CAPN7: variants seen among roughly 807,000 people sequenced by gnomAD.
The protein encoded by CAPN7 is calpain-7.
In CAPN7, 72 loss-of-function variants were observed where a neutral mutation model predicts 115.2. The observed-to-expected ratio is 0.63, with a 90% CI of 0.52 to 0.76. The LOEUF is 0.76. Ranked by LOEUF, CAPN7 falls within the 30% of genes least tolerant of loss-of-function variation. The pLI is 0.00. For missense variants in CAPN7, 905 were observed against 971.5 expected (o/e 0.93, Z 0.91); for synonymous variants, 344 against 322.3 (o/e 1.07, Z -0.72).
Position 15,223,037 on chromosome 3 carries a change from T to C in CAPN7, c.639-438T>C, listed in dbSNP as rs1045380688. Among the ~76,000 whole-genome samples, 4 of 152,342 alleles carry C rather than the reference T, an allele frequency of 2.6e-5. No individual in the cohort carries two copies. In the East Asian group the frequency reaches 7.7e-4, roughly 29 times the overall value. ...TAATTTGTCAGTAGACCATAGCTGATATCTATGACACTTCCTTCTTCCACT... is the reference window on the plus strand; with the variant it reads ...TAATTTGTCAGTAGACCATAGCTGACATCTATGACACTTCCTTCTTCCACT... On this transcript the variant is annotated intron_variant, in intron 5 of 20. Coordinates refer to ENST00000253693, the MANE Select transcript of CAPN7 (RefSeq NM_014296.3).
At chr3:15,222,663 T>C (rs565246833) in intron 5 of CAPN7, among the ~76,000 whole-genome samples, 5 of 152,344 alleles carry the variant, frequency 3.3e-5, no homozygotes, top group African/African-American at 1.2e-4. Context: ...CCAACACTTT[T>C]CCATATGCTA....
At chr3:15,232,148 A>T in intron 9 of CAPN7, 1 of 406,664 alleles carries the variant, frequency 2.5e-6, no homozygotes, top group Non-Finnish European at 4.8e-6. Context: ...CTGAAAATCC[A>T]AAACACTCCA....
At chr3:15,238,850 T>TA (rs1695167724) in intron 12 of CAPN7, among the ~76,000 whole-genome samples, 2 of 79,252 alleles carry the variant, frequency 2.5e-5, no homozygotes, top group African/African-American at 2.1e-4. Flanking sequence ...CAAAATCAAA[T>TA]TTTTTTTTTT....
chr3:15,230,435 A>G lies in CAPN7; in HGVS notation c.939-7A>G. 1 of 1,584,532 alleles carries G rather than the reference A, an allele frequency of 6.3e-7. No homozygotes were observed. The highest frequency in any genetic ancestry group is 8.7e-7 in the Non-Finnish European group (1 of 1,153,322). Reference sequence around the variant, plus strand: ...TGGTATTTTAATATTTATTTTTCTTACAAAAGCATAATTTACCCTCAAAAC... The same window carrying G: ...TGGTATTTTAATATTTATTTTTCTTGCAAAAGCATAATTTACCCTCAAAAC... On this transcript the variant is annotated splice_polypyrimidine_tract_variant and splice_region_variant and intron_variant, in intron 8 of 20. Coordinates refer to ENST00000253693, the MANE Select transcript of CAPN7 (RefSeq NM_014296.3).
intron 6 of CAPN7, among the ~76,000 whole-genome samples, chr3:15,226,817 A>G (rs1001389432): frequency 4.6e-5 from 7 of 152,200 alleles, no homozygotes; most frequent in African/African-American, 1.7e-4. Context: ...ACTTGACCAC[A>G]AAATCCTCTC....
intron 19 of CAPN7, among the ~76,000 whole-genome samples, chr3:15,250,065 T>A (rs1353079943): frequency 6.8e-6 from 1 of 146,476 alleles, no homozygotes; most frequent in Non-Finnish European, 1.5e-5. Flanking sequence ...GCCTGGCCAA[T>A]GACAATATTT....
At position 15,249,763 on chromosome 3, in the gene CAPN7, A is replaced by AT. The variant is rs796282881; in HGVS notation, c.2205-1158dup. 4.7e-4 allele frequency among the ~76,000 whole-genome samples: 69 copies of AT among 147,040 alleles called. 1 individual carries two copies. Among genetic ancestry groups the AT allele is most frequent in the Admixed American group, 3.0e-3 (45 of 14,812 alleles). ...GGCCTTTCCATTTGTTACAATAACA[A>AT]TTTTTTTTTTCTTTTTTTTTTGAGA... On this transcript the variant is annotated intron_variant, in intron 19 of 20. Coordinates refer to ENST00000253693, the MANE Select transcript of CAPN7 (RefSeq NM_014296.3).
chr3:15,250,466 C>T (rs894843640), intron 19 of CAPN7, among the ~76,000 whole-genome samples: 5 of 152,008 alleles, frequency 3.3e-5, no homozygotes, highest in South Asian at 2.1e-4. Context: ...GTCAAGAGTT[C>T]GAGACCAGCC....
intron 1 of CAPN7, among the ~76,000 whole-genome samples, chr3:15,208,003 G>T (rs925201794): frequency 1.3e-5 from 2 of 152,098 alleles, no homozygotes; most frequent in African/African-American, 4.8e-5. Flanking sequence ...ACCCCAGTAG[G>T]TTTGTTTACA....
At chr3:15,208,666 G>A (rs905184232) in intron 1 of CAPN7, among the ~76,000 whole-genome samples, 3 of 152,048 alleles carry the variant, frequency 2.0e-5, no homozygotes, top group African/African-American at 7.2e-5. Flanking sequence ...CATAAGTAAC[G>A]ATGTAGTTCA....
intron 6 of CAPN7, among the ~76,000 whole-genome samples, chr3:15,225,278 A>G (rs760977872): frequency 5.3e-5 from 8 of 152,246 alleles, no homozygotes; most frequent in Non-Finnish European, 1.2e-4. Context: ...TACTTCAGGA[A>G]TCCAGTTGTA....
chr3:15,242,746 T>C (rs1013853154), intron 16 of CAPN7, among the ~76,000 whole-genome samples: 8 of 152,228 alleles, frequency 5.3e-5, no homozygotes, highest in Non-Finnish European at 8.8e-5. Flanking sequence ...TCCTGCCTTA[T>C]TCCTTTCTCC....
intron 19 of CAPN7, among the ~76,000 whole-genome samples, chr3:15,249,511 ATATTCTGAT>A (rs1695874269): frequency 6.6e-6 from 1 of 152,158 alleles, no homozygotes; most frequent in Admixed American, 6.5e-5. Flanking sequence ...AATTTTCACC[ATATTCTGAT>A]TATTTTATGG....
chr3:15,227,993 A>G, intron 7 of CAPN7, 28 bp downstream of exon 7: 1 of 1,389,964 alleles, frequency 7.2e-7, no homozygotes, highest in Non-Finnish European at 9.4e-7. Context: ...ATGATTTTAT[A>G]GAAAAGTCAG....
chr3:15,241,518 A>G lies in CAPN7; in HGVS notation c.1718A>G (p.Lys573Arg), dbSNP rs1229848281. The G allele has an allele frequency of 6.2e-7, 1 of 1,613,982 alleles. No individual in the cohort carries two copies. The highest frequency in any genetic ancestry group is 1.7e-5 in the Admixed American group (1 of 60,030). Residue 573 changes from lysine (K) to arginine (R), a missense_variant, in exon 15 of 21, where the codon AAA becomes AGA. Physicochemically the swap from Lys to Arg is conservative, Grantham distance 26 (BLOSUM62 2). Coordinates refer to ENST00000253693, the MANE Select transcript of CAPN7 (RefSeq NM_014296.3). The stretch of plus-strand genomic sequence containing the variant: ...AGCCTGGCCAACAACCCCCAGTACA[A>G]ACTGGAGGTGCAGTGTCCACAGGGG... ...AYSLANNPQY[K>R]LEVQCPQGGA... is the part of the protein sequence containing the mutation.
In CAPN7 at chr3:15,251,202, G is replaced by A; in HGVS notation, c.2384G>A (p.Gly795Glu). 1 of 1,610,364 alleles carries A rather than the reference G, an allele frequency of 6.2e-7. No homozygotes were observed. The highest frequency in any genetic ancestry group is 1.1e-5 in the South Asian group (1 of 90,342). Reference sequence around the variant, plus strand: ...AGTACCTTTTTGCCTAAACAAGAAGGACCTTTTTTCTTGGACTTTAATAGT... The same window carrying A: ...AGTACCTTTTTGCCTAAACAAGAAGAACCTTTTTTCTTGGACTTTAATAGT... ...IPSTFLPKQEGPFFLDFNSII... is the reference protein window; with the variant it reads ...IPSTFLPKQEEPFFLDFNSII... The change falls in exon 21 of 21, where the codon GGA becomes GAA. Residue 795 changes from glycine (G) to glutamate (E), a missense_variant. By Grantham distance (98) the Gly-to-Glu change is moderately conservative. Transcript: ENST00000253693.
intron 1 of CAPN7, chr3:15,211,039 G>T: frequency 1.5e-6 from 1 of 660,654 alleles, no homozygotes; most frequent in Non-Finnish European, 1.9e-6. Flanking sequence ...ATAACTGGTC[G>T]TGGAAGTTAT....
intron 6 of CAPN7, among the ~76,000 whole-genome samples, chr3:15,224,175 A>G (rs1694166277): frequency 6.6e-6 from 1 of 152,240 alleles, no homozygotes; most frequent in Non-Finnish European, 1.5e-5. Context: ...TATACAGTCA[A>G]ATATTATGCT....
At position 15,206,462 on chromosome 3, in the gene CAPN7, C is replaced by T; in HGVS notation, c.-34C>T. The T allele has an allele frequency of 1.3e-6, 2 of 1,497,840 alleles. No homozygotes were observed. The highest frequency in any genetic ancestry group is 1.8e-6 in the Non-Finnish European group (2 of 1,106,032). The allele number at this position is 1,497,840 out of a possible 1,614,324, so 92.8% of individuals were successfully genotyped here. A position where few individuals can be genotyped will look rare whatever the true frequency, so the allele number is the denominator to read the frequency against. On this transcript the variant is annotated 5_prime_UTR_variant, in exon 1 of 21. Coordinates refer to ENST00000253693, the MANE Select transcript of CAPN7 (RefSeq NM_014296.3). Reference sequence around the variant, plus strand: ...GCGAAGAGCCGTCCTGCGTCAGGGCCTCCTTCCCTGCCCCGGCGCGGGGCC... The same window carrying T: ...GCGAAGAGCCGTCCTGCGTCAGGGCTTCCTTCCCTGCCCCGGCGCGGGGCC...
Sources: allele counts gnomAD v4.1 joint callset (sites outside exome capture counted in the v4.1 genomes callset), GRCh38; gene constraint gnomAD v4.1.1; transcripts MANE v1.5; gene names NCBI Gene and HGNC (gene_info 2026-07-23, HGNC 2026-07-21).